PNPT1: variants seen among roughly 807,000 people sequenced by gnomAD.
The protein encoded by PNPT1 is polyribonucleotide nucleotidyltransferase 1.
In PNPT1, 53 loss-of-function variants were observed where a neutral mutation model predicts 119.5. The ratio of observed to expected loss-of-function variants is 0.44; its 90% CI spans 0.36 to 0.56. PNPT1 has a LOEUF of 0.56. Ranked by LOEUF, PNPT1 falls within the 20% of genes least tolerant of loss-of-function variation. The pLI is 0.00. For synonymous variants in PNPT1, 357 were observed against 322.1 expected (o/e 1.11, Z -1.16); for missense variants, 948 against 938.5 (o/e 1.01, Z -0.13).
At chr2:55,663,372 AC>A (rs1280351550) in intron 13 of PNPT1, among the ~76,000 whole-genome samples, 3 of 152,222 alleles carry the variant, frequency 2.0e-5, no homozygotes, top group Non-Finnish European at 4.4e-5. Flanking sequence ...AGTTGCAGTG[AC>A]CTATGGGACA....
rs781463863 is a variant in PNPT1 at position 55,691,003 on chromosome 2, T to C, written c.161+2660A>G. 9.1e-4 allele frequency among the ~76,000 whole-genome samples: 139 copies of C among 152,370 alleles called. No individual in the cohort carries two copies. The Middle Eastern group carries it at 0.01, about 11-fold the overall frequency. Reference sequence around the variant, plus strand: ...AAATTTTGTTTAACCCTGAGTAACATGCCACCAGTACTTCTCAAAACTTAC... The same window carrying C: ...AAATTTTGTTTAACCCTGAGTAACACGCCACCAGTACTTCTCAAAACTTAC... On this transcript the variant is annotated intron_variant, in intron 1 of 27. Coordinates refer to ENST00000447944, the MANE Select transcript of PNPT1 (RefSeq NM_033109.5).
intron 25 of PNPT1, among the ~76,000 whole-genome samples, chr2:55,641,905 G>A (rs892926211): frequency 6.6e-6 from 1 of 151,098 alleles, no homozygotes; most frequent in African/African-American, 2.4e-5. Flanking sequence ...GCAGTGGTGC[G>A]ATCTCATCTC....
chr2:55,635,184 A>T lies in PNPT1; in HGVS notation c.*1053T>A, dbSNP rs1695627984. On this transcript the variant is annotated 3_prime_UTR_variant, in exon 28 of 28. Transcript: ENST00000447944. The stretch of plus-strand genomic sequence containing the variant: ...TGAACAACTTGACATGTGTATCAGT[A>T]ACCTCTAAACATCTATTTCAAACAT... The T allele has an allele frequency of 1.3e-5, 2 of 152,254 alleles. No homozygotes were observed. The highest frequency in any genetic ancestry group is 2.9e-5 in the Non-Finnish European group (2 of 68,058). 9.4% of individuals were successfully genotyped at this position (152,254 alleles called of 1,614,324 possible).
intron 18 of PNPT1, among the ~76,000 whole-genome samples, chr2:55,649,978 C>T (rs2627775): frequency 0.4 from 60,124 of 152,032 alleles, 12,516 homozygotes; most frequent in Non-Finnish European, 0.46. Context: ...AACTCCTTAG[C>T]GTAACAATAA....
chr2:55,643,361 C>T lies in PNPT1; in HGVS notation c.1971G>A (p.Met657Ile). Residue 657 changes from methionine to isoleucine, a missense_variant, in exon 24 of 28, where the codon ATG becomes ATA. Transcript: ENST00000447944. ...FSVFAPTPSA[M>I]HEARDFITEI... ...CAGTAATGAAGTCTCTTGCCTCATG[C>T]ATAGCACTGGGTGTTGGTGCAAATA... The T allele has an allele frequency of 6.2e-7, 1 of 1,614,204 alleles. No homozygotes were observed. The highest frequency in any genetic ancestry group is 8.5e-7 in the Non-Finnish European group (1 of 1,180,026).
intron 8 of PNPT1, 130 bp from the exon 9 acceptor site, chr2:55,673,209 T>C: frequency 3.0e-6 from 2 of 670,584 alleles, no homozygotes; most frequent in East Asian, 3.1e-5. Context: ...TCCACCTTGA[T>C]TTCTTTCCTC....
chr2:55,688,723 A>C (rs1697498234), intron 1 of PNPT1, among the ~76,000 whole-genome samples: 2 of 152,056 alleles, frequency 1.3e-5, no homozygotes, highest in Non-Finnish European at 2.9e-5. Flanking sequence ...AGACTCTGTA[A>C]CAAAAACAAA....
intron 5 of PNPT1, among the ~76,000 whole-genome samples, chr2:55,681,523 G>A (rs921764186): frequency 6.6e-6 from 1 of 151,786 alleles, no homozygotes; most frequent in African/African-American, 2.4e-5. Flanking sequence ...CAAGTATTCA[G>A]TAAATGTTAG....
intron 26 of PNPT1, 99 bp from the exon 27 acceptor site, chr2:55,637,698 T>A: frequency 9.1e-7 from 1 of 1,102,786 alleles, no homozygotes; most frequent in Non-Finnish European, 1.4e-6. Context: ...TTTTTCTGAT[T>A]AAAAAAATCA....
In PNPT1 at chr2:55,672,073, CATA is replaced by C. The variant is rs538130826; in HGVS notation, c.867-30_867-28del. The C allele has an allele frequency of 1.3e-4, 193 of 1,530,738 alleles. No individual in the cohort carries two copies. In the East Asian group the frequency reaches 3.8e-3, roughly 30 times the overall value. 94.8% of individuals were successfully genotyped at this position (1,530,738 alleles called of 1,614,324 possible). ...TATTTAAGCAGAAAATAAATGTTAG[CATA>C]ATAATATCTGGAAACAAGAGGCAGT... On this transcript the variant is annotated intron_variant, in intron 9 of 27. Transcript: ENST00000447944.
chr2:55,663,893 G>C lies in PNPT1; in HGVS notation c.1177-1867C>G, dbSNP rs140089439. Among the ~76,000 whole-genome samples, 1,085 of 152,258 alleles carry C rather than the reference G, an allele frequency of 7.1e-3. 3 individuals carry two copies. Among genetic ancestry groups the C allele is most frequent in the Middle Eastern group, 0.014 (4 of 294 alleles). On this transcript the variant is annotated intron_variant, in intron 13 of 27. Transcript: ENST00000447944. ...AGCTACTTGGGAGGCTGAGGCAGGA[G>C]AATGGCAGGGGCATGAACCCAGGAG... is the stretch of plus-strand genomic sequence containing the variant.
At chr2:55,656,450 A>C in intron 15 of PNPT1, 79 bp from the exon 16 acceptor site, 2 of 1,280,160 alleles carry the variant, frequency 1.6e-6, no homozygotes, top group Non-Finnish European at 2.2e-6. Context: ...AAATAATAAA[A>C]CAACTTATAG....
chr2:55,661,377 G>C (rs55633466), intron 14 of PNPT1, among the ~76,000 whole-genome samples: 32 of 152,100 alleles, frequency 2.1e-4, no homozygotes, highest in African/African-American at 7.7e-4. Context: ...GGCCAGGCGT[G>C]AGCCACCACG....
intron 12 of PNPT1, among the ~76,000 whole-genome samples, chr2:55,667,594 A>AG (rs1696774567): frequency 6.6e-6 from 1 of 151,986 alleles, no homozygotes; most frequent in African/African-American, 2.4e-5. Flanking sequence ...TCAAAAAAAA[A>AG]AAACAAAAAA....
chr2:55,645,926 C>G (rs1191337163), intron 21 of PNPT1, among the ~76,000 whole-genome samples: 1 of 152,056 alleles, frequency 6.6e-6, no homozygotes, highest in Non-Finnish European at 1.5e-5. Context: ...CTCCTGGGCT[C>G]AAGCGATTCT....
intron 4 of PNPT1, among the ~76,000 whole-genome samples, chr2:55,684,516 A>G (rs1231066285): frequency 6.6e-6 from 1 of 152,218 alleles, no homozygotes; most frequent in Admixed American, 6.5e-5. Flanking sequence ...TGATCCCACA[A>G]TATGTAGGGA....
intron 26 of PNPT1, 73 bp from the exon 27 acceptor site, chr2:55,637,672 C>A: frequency 7.7e-7 from 1 of 1,290,350 alleles, no homozygotes; most frequent in South Asian, 1.2e-5. Flanking sequence ...CACATTTTTT[C>A]CTCAAGCTTT....
intron 1 of PNPT1, among the ~76,000 whole-genome samples, chr2:55,688,450 G>A (rs554024511): frequency 3.9e-5 from 6 of 152,140 alleles, no homozygotes; most frequent in East Asian, 3.9e-4. Context: ...TTAGCCAGGC[G>A]TGGTGTCTCC....
intron 18 of PNPT1, among the ~76,000 whole-genome samples, chr2:55,650,448 A>C (rs894489861): frequency 6.6e-6 from 1 of 152,102 alleles, no homozygotes; most frequent in Non-Finnish European, 1.5e-5. Flanking sequence ...CTCCATGCTC[A>C]ATGGTGCCCA....
Sources: gnomAD v4.1 joint callset for allele counts (sites outside exome capture counted in the v4.1 genomes callset) on GRCh38, gnomAD v4.1.1 for gene constraint, MANE v1.5 for transcripts, NCBI Gene and HGNC (gene_info 2026-07-23, HGNC 2026-07-21) for gene names.